The following PTPRD variants were observed in gnomAD, a reference collection of about 807,000 sequenced individuals.
PTPRD encodes protein tyrosine phosphatase receptor type D.
In PTPRD, 34 loss-of-function variants were observed where a neutral mutation model predicts 214.5. That is an observed-to-expected ratio of 0.16 (90% CI 0.12 to 0.21). The LOEUF (loss-of-function observed/expected upper bound fraction) is 0.21, where lower values mean the gene tolerates loss of function less well. Among genes scored for constraint, PTPRD ranks in the 10% least tolerant of loss-of-function variants. The probability of loss-of-function intolerance (pLI) is 1.00; values close to 1 mark genes in which losing one functional copy is unlikely to be tolerated. For synonymous variants in PTPRD, 1,128 were observed against 845.7 expected (o/e 1.33, Z -5.79); for missense variants, 2,545 against 2,398.7 (o/e 1.06, Z -1.27).
At chr9:10,387,471 T>C (rs2097940282) in intron 2 of PTPRD, among the ~76,000 whole-genome samples, 1 of 151,822 alleles carries the variant, frequency 6.6e-6, no homozygotes, top group Non-Finnish European at 1.5e-5. Flanking sequence ...CTTCCCACTG[T>C]GAGGCTAATG....
Position 8,314,669 on chromosome 9 carries a change from G to A in PTPRD, c.*3205C>T. On this transcript the variant is annotated 3_prime_UTR_variant, in exon 46 of 46. Transcript: ENST00000381196. ...ACAAAAAGGGAATTAAAAATAAAAG[G>A]ACTTAAAGCAAAACCGAAAATAAAC... 1 of 231,934 alleles carries A rather than the reference G, an allele frequency of 4.3e-6. No individual in the cohort carries two copies. The allele number at this position is 231,934 out of a possible 1,614,324, so 14.4% of individuals were successfully genotyped here. A position where few individuals can be genotyped will look rare whatever the true frequency, so the allele number is the denominator to read the frequency against.
chr9:8,773,525 T>C (rs2095328469), intron 11 of PTPRD, among the ~76,000 whole-genome samples: 1 of 152,210 alleles, frequency 6.6e-6, no homozygotes, highest in South Asian at 2.1e-4. Flanking sequence ...GTATTTTATC[T>C]GTTTTATGGC....
At chr9:9,419,128 T>TACACACAC (rs142908778) in intron 8 of PTPRD, among the ~76,000 whole-genome samples, 7,462 of 139,914 alleles carry the variant, frequency 0.053, 223 homozygotes, top group Middle Eastern at 0.092. Context: ...AGGCCCCTTA[T>TACACACAC]ACACACACAC....
At chr9:9,276,470 A>T (rs1309135065) in intron 9 of PTPRD, among the ~76,000 whole-genome samples, 2 of 151,328 alleles carry the variant, frequency 1.3e-5, no homozygotes, top group Admixed American at 1.3e-4. Flanking sequence ...GGTCTTGGCA[A>T]TTAGATGGCA....
chr9:8,758,409 A>G (rs1410805110), intron 11 of PTPRD, among the ~76,000 whole-genome samples: 2 of 152,180 alleles, frequency 1.3e-5, no homozygotes, highest in African/African-American at 4.8e-5. Flanking sequence ...CTTATGTTAT[A>G]TACAAATTAG....
In PTPRD at chr9:8,756,843, A is replaced by C. The variant is rs149864632; in HGVS notation, c.-103-22897T>G. 1.2e-3 allele frequency among the ~76,000 whole-genome samples: 178 copies of C among 152,274 alleles called. 1 individual carries two copies. Among genetic ancestry groups the C allele is most frequent in the African/African-American group, 4.2e-3 (174 of 41,564 alleles). On this transcript the variant is annotated intron_variant, in intron 11 of 45. Coordinates refer to ENST00000381196, the MANE Select transcript of PTPRD (RefSeq NM_002839.4). ...GCCAAAGAGTTGAAATATGGCTCCA[A>C]AGAATCTATAAACCAGGCCAGGCGC...
At chr9:8,579,565 C>G (rs1042491524) in intron 14 of PTPRD, among the ~76,000 whole-genome samples, 2 of 152,118 alleles carry the variant, frequency 1.3e-5, no homozygotes, top group African/African-American at 4.8e-5. Context: ...CCCACAGTGC[C>G]TGTCATAAAA....
chr9:9,872,491 C>T (rs1054627310), intron 5 of PTPRD, among the ~76,000 whole-genome samples: 3 of 152,046 alleles, frequency 2.0e-5, no homozygotes, highest in Non-Finnish European at 4.4e-5. Flanking sequence ...GTCCCAGCTA[C>T]TCTGGAGTCT....
chr9:8,659,690 T>C (rs974445945), intron 12 of PTPRD, among the ~76,000 whole-genome samples: 1 of 152,184 alleles, frequency 6.6e-6, no homozygotes, highest in African/African-American at 2.4e-5. Context: ...AGGAAATCCT[T>C]AAAGCAAATA....
chr9:9,550,975 T>A (rs988000434), intron 8 of PTPRD, among the ~76,000 whole-genome samples: 26 of 151,968 alleles, frequency 1.7e-4, no homozygotes, highest in African/African-American at 6.0e-4. Flanking sequence ...ACTGTATCAC[T>A]CATGAATTGC....
At chr9:9,597,772 A>G (rs533749769) in intron 7 of PTPRD, among the ~76,000 whole-genome samples, 1 of 152,174 alleles carries the variant, frequency 6.6e-6, no homozygotes. Context: ...TAAAGGTAAC[A>G]GATACATGTA....
intron 5 of PTPRD, among the ~76,000 whole-genome samples, chr9:9,865,478 T>C (rs1200746947): frequency 6.6e-6 from 1 of 152,144 alleles, no homozygotes; most frequent in Non-Finnish European, 1.5e-5. Context: ...TGACACTCTG[T>C]GTCACCTAGG....
intron 9 of PTPRD, among the ~76,000 whole-genome samples, chr9:9,248,203 C>T (rs900566685): frequency 3.9e-5 from 6 of 151,964 alleles, no homozygotes; most frequent in Non-Finnish European, 7.4e-5. Context: ...AGTGATTCTC[C>T]TGCCTAAGCC....
At chr9:9,763,915 C>T (rs1442878853) in intron 6 of PTPRD, among the ~76,000 whole-genome samples, 1 of 152,034 alleles carries the variant, frequency 6.6e-6, no homozygotes, top group Non-Finnish European at 1.5e-5. Flanking sequence ...CCTCATGCCT[C>T]TATATATGAC....
chr9:10,106,671 T>C (rs774268231), intron 3 of PTPRD, among the ~76,000 whole-genome samples: 8 of 151,650 alleles, frequency 5.3e-5, no homozygotes, highest in South Asian at 2.1e-4. Context: ...TGACAAGAAA[T>C]GTTGAGATGT....
intron 5 of PTPRD, among the ~76,000 whole-genome samples, chr9:9,921,067 G>C (rs1011372792): frequency 5.9e-5 from 9 of 152,014 alleles, no homozygotes; most frequent in Admixed American, 3.3e-4. Context: ...GCCTTTTACA[G>C]TTCAATTTCT....
At chr9:8,546,901 G>C (rs190767346) in intron 14 of PTPRD, among the ~76,000 whole-genome samples, 99 of 152,326 alleles carry the variant, frequency 6.5e-4, no homozygotes, top group Middle Eastern at 3.4e-3. Context: ...GATGTTAGTA[G>C]ATTTGGAGCT....
At chr9:8,610,397 A>G (rs1280721814) in intron 14 of PTPRD, among the ~76,000 whole-genome samples, 1 of 152,182 alleles carries the variant, frequency 6.6e-6, no homozygotes, top group Non-Finnish European at 1.5e-5. Context: ...TTTGTTCAAC[A>G]TTACATTGCT....
chr9:9,422,646 C>T lies in PTPRD; in HGVS notation c.-236-25164G>A, dbSNP rs144195770. Among the ~76,000 whole-genome samples, 126 of 152,166 alleles carry T rather than the reference C, an allele frequency of 8.3e-4. 2 individuals carry two copies. In the East Asian group the frequency reaches 0.022, roughly 26 times the overall value. ...CAGTGATGTCAGATAGACGCTGCCACCAACAGAAGCTGGTAGAGCTTTCTG... is the reference window on the plus strand; with the variant it reads ...CAGTGATGTCAGATAGACGCTGCCATCAACAGAAGCTGGTAGAGCTTTCTG... On this transcript the variant is annotated intron_variant, in intron 8 of 45. Transcript: ENST00000381196.
Sources: gnomAD v4.1 joint callset for allele counts (sites outside exome capture counted in the v4.1 genomes callset) on GRCh38, gnomAD v4.1.1 for gene constraint, MANE v1.5 for transcripts, NCBI Gene and HGNC (gene_info 2026-07-23, HGNC 2026-07-21) for gene names.